Variants in SCN4A observed in about 807,000 individuals in gnomAD.
SCN4A encodes sodium channel protein type 4 subunit alpha.
A neutral mutation model predicts 162.0 loss-of-function variants in SCN4A; 83 were observed. The observed-to-expected ratio is 0.51, with a 90% confidence interval of 0.43 to 0.61. The LOEUF is 0.61. SCN4A is among the 20% of genes least tolerant of loss of function. The probability of loss-of-function intolerance (pLI) is 0.00; values close to 1 mark genes in which losing one functional copy is unlikely to be tolerated. For synonymous variants in SCN4A, 944 were observed against 985.1 expected, an observed-to-expected ratio of 0.96 and a Z score of 0.78; for missense variants, 2,196 against 2,462.5, an observed-to-expected ratio of 0.89 and a Z score of 2.29.
rs762198335 is a variant in SCN4A at position 63,966,210 on chromosome 17, G to A, written c.1134C>T (p.Thr378=). 38 of 1,603,484 alleles carry A rather than the reference G, an allele frequency of 2.4e-5. No individual in the cohort carries two copies. Among genetic ancestry groups the A allele is most frequent in the Admixed American group, 3.4e-5 (2 of 58,420 alleles). The change falls in exon 8 of 24, where the codon ACC becomes ACT. Residue 378 remains threonine (T), a synonymous_variant. Transcript: ENST00000435607. The part of the protein sequence containing the change: ...HCPEGYECIK[T]GRNPNYGYTS... ...TGTAGCCATAGTTGGGGTTCCGCCC[G>A]GTCTTGATGCACTCATAACCCTCAG...
chr17:63,970,694 C>T (rs914870766), intron 5 of SCN4A, among the ~76,000 whole-genome samples: 1 of 151,586 alleles, frequency 6.6e-6, no homozygotes, highest in Non-Finnish European at 1.5e-5. Context: ...AGTGCAGTGG[C>T]GTGATCTCGG....
chr17:63,971,868 G>A lies in SCN4A; in HGVS notation c.483-18C>T, dbSNP rs202177035. On this transcript the variant is annotated intron_variant, in intron 3 of 23. Coordinates refer to ENST00000435607, the MANE Select transcript of SCN4A (RefSeq NM_000334.4). Reference sequence around the variant, plus strand: ...AGGTGTACCTGGGGGGGAGAGGGCCGGCCGGGACAGGCATGTCACCTGGGT... The same window carrying A: ...AGGTGTACCTGGGGGGGAGAGGGCCAGCCGGGACAGGCATGTCACCTGGGT... 27 of 1,612,866 alleles carry A rather than the reference G, an allele frequency of 1.7e-5. No homozygotes were observed. In the East Asian group the frequency reaches 2.0e-4, roughly 12 times the overall value.
chr17:63,940,577 C>A lies in SCN4A; in HGVS notation c.*194G>T. The A allele has an allele frequency of 1.7e-6, 1 of 581,904 alleles. No homozygotes were observed. Among genetic ancestry groups the A allele is most frequent in the South Asian group, 3.4e-5 (1 of 29,472 alleles). 36.0% of individuals were successfully genotyped at this position (581,904 alleles called of 1,614,324 possible). Reference sequence around the variant, plus strand: ...CAGCATGGAGCCCCTGAGCGCAATTCCCATTTCCCATGGTCTGGGAACGCA... The same window carrying A: ...CAGCATGGAGCCCCTGAGCGCAATTACCATTTCCCATGGTCTGGGAACGCA... On this transcript the variant is annotated 3_prime_UTR_variant, in exon 24 of 24. Transcript: ENST00000435607.
rs371992095 is a variant in SCN4A, at chr17:63,972,095, G to A, written c.482+41C>T. On this transcript the variant is annotated intron_variant, in intron 3 of 23. Transcript: ENST00000435607. The surrounding 1 kb of genome is among the most constrained non-coding windows in gnomAD (Gnocchi z 4.3). Reference sequence around the variant, plus strand: ...GAGGTGCAAACACCTGAGATGGGCTGTGTCCCAGGGCTGGGGAGCTCAGGG... The same window carrying A: ...GAGGTGCAAACACCTGAGATGGGCTATGTCCCAGGGCTGGGGAGCTCAGGG... 4 of 1,457,978 alleles carry A rather than the reference G, an allele frequency of 2.7e-6. No individual in the cohort carries two copies. Among genetic ancestry groups the A allele is most frequent in the Non-Finnish European group, 3.8e-6 (4 of 1,045,434 alleles). The allele number at this position is 1,457,978 out of a possible 1,614,324, so 90.3% of individuals were successfully genotyped here.
intron 5 of SCN4A, among the ~76,000 whole-genome samples, chr17:63,970,100 G>C (rs1411852840): frequency 1.3e-5 from 2 of 152,112 alleles, no homozygotes; most frequent in Admixed American, 1.3e-4. Context: ...TTTCATGCTT[G>C]TTGATGCATT....
chr17:63,944,705 T>C lies in SCN4A; in HGVS notation c.3880A>G (p.Ile1294Val). 2 of 1,611,090 alleles carry C rather than the reference T, an allele frequency of 1.2e-6. No homozygotes were observed. Among genetic ancestry groups the C allele is most frequent in the Non-Finnish European group, 1.7e-6 (2 of 1,178,662 alleles). Residue 1294 changes from isoleucine (I) to valine (V), a missense_variant, in exon 21 of 24, where the codon ATC becomes GTC. Physicochemically the swap from Ile to Val is conservative, Grantham distance 29 (BLOSUM62 3). Transcript: ENST00000435607. The surrounding 1 kb of genome is among the most constrained non-coding windows in gnomAD (Gnocchi z 4.3). ...TTCTGCTGGTTGAAGTTGTCAATGA[T>C]GACGCCAATGAAGAGGTTGAGGGTG... ...FFTLNLFIGV[I>V]IDNFNQQKKK...
At position 63,959,381 on chromosome 17, in the gene SCN4A, AG is replaced by A; in HGVS notation, c.1902del (p.Tyr635ThrfsTer21). The A allele has an allele frequency of 6.2e-7, 1 of 1,613,984 alleles. No homozygotes were observed. The highest frequency in any genetic ancestry group is 8.5e-7 in the Non-Finnish European group (1 of 1,179,858). ...TTCCAACCCTGCTGGAAATACTCGT[AG>A]GGGTCCATGGCAATCAGCTTCAGAA... is the stretch of plus-strand genomic sequence containing the variant. The part of the protein sequence containing the change: ...EMVLKLIAMD[P>X]YEYFQQGWNI... On this transcript the variant is annotated frameshift_variant, in exon 12 of 24. Coordinates refer to ENST00000435607, the MANE Select transcript of SCN4A (RefSeq NM_000334.4). LOFTEE classifies it high-confidence loss of function.
Position 63,951,484 on chromosome 17 carries a change from G to A in SCN4A, c.2793C>T (p.Ser931=), listed in dbSNP as rs201036204. 156 of 1,611,776 alleles carry A rather than the reference G, an allele frequency of 9.7e-5. 3 individuals carry two copies. The East Asian group carries it at 2.8e-3, about 29-fold the overall frequency. The change falls in exon 14 of 24, where the codon TCC becomes TCT. Residue 931 remains serine, a synonymous_variant. Transcript: ENST00000435607. This position sits in a 1 kb window ranked among gnomAD's most constrained non-coding sequence, Gnocchi z 4.5. ...CCTCCTCGGTGGGCATCTCCAGGTC[G>A]GACTCCTCGGAGGCGATGGGCACCT... The part of the protein sequence containing the change: ...TIQVPIASEE[S]DLEMPTEEET...
In SCN4A at chr17:63,943,837, T is replaced by C. The variant is rs1180189206; in HGVS notation, c.3926A>G (p.Asp1309Gly). 1.2e-6 allele frequency: 2 copies of C among 1,610,798 alleles called. No individual in the cohort carries two copies. The highest frequency in any genetic ancestry group is 1.6e-4 in the Middle Eastern group (1 of 6,074). ...CTTCTGTTCCTCCGTCATAAAGATG[T>C]CTTTCCCCCCTAAGTATAGTGGGAT... ...NQQKKKLGGK[D>G]IFMTEEQKKY... Residue 1309 changes from aspartate (D) to glycine (G), a missense_variant, in exon 22 of 24, where the codon GAC becomes GGC. Asp to Gly is a moderately conservative substitution (Grantham distance 94, BLOSUM62 -1). Coordinates refer to ENST00000435607, the MANE Select transcript of SCN4A (RefSeq NM_000334.4).
chr17:63,957,137 G>A, intron 13 of SCN4A, 25 bp downstream of exon 13: 1 of 1,501,926 alleles, frequency 6.7e-7, no homozygotes, highest in Non-Finnish European at 9.1e-7. Flanking sequence ...GTGAGGGCAG[G>A]GGCCACCCAG....
intron 13 of SCN4A, among the ~76,000 whole-genome samples, chr17:63,955,691 T>C (rs1909052074): frequency 6.6e-6 from 1 of 152,042 alleles, no homozygotes; most frequent in Non-Finnish European, 1.5e-5. Flanking sequence ...GCTCTCCCCA[T>C]CCCCAATCCT....
At chr17:63,956,420 C>T (rs1909073089) in intron 13 of SCN4A, among the ~76,000 whole-genome samples, 1 of 152,008 alleles carries the variant, frequency 6.6e-6, no homozygotes, top group South Asian at 2.1e-4. Context: ...TTTCATTTTT[C>T]CATTTTTTGT....
Position 63,944,934 on chromosome 17 carries a change from C to A in SCN4A, c.3774+73G>T. The A allele has an allele frequency of 6.3e-7, 1 of 1,591,508 alleles. No individual in the cohort carries two copies. The highest frequency in any genetic ancestry group is 8.6e-7 in the Non-Finnish European group (1 of 1,163,512). ...CAAGTCTCGGGGACAGAACGTGCTG[C>A]CAAGTCTCCCTCCTGTCTTGAGTCC... On this transcript the variant is annotated intron_variant, in intron 20 of 23. Coordinates refer to ENST00000435607, the MANE Select transcript of SCN4A (RefSeq NM_000334.4). This position sits in a 1 kb window ranked among gnomAD's most constrained non-coding sequence, Gnocchi z 4.3.
chr17:63,962,876 C>T (rs1037842973), intron 10 of SCN4A, among the ~76,000 whole-genome samples: 1 of 152,170 alleles, frequency 6.6e-6, no homozygotes, highest in African/African-American at 2.4e-5. Flanking sequence ...CATATGGGCA[C>T]CTGGATACCT....
At chr17:63,959,163 C>A in intron 12 of SCN4A, 102 bp downstream of exon 12, 1 of 1,057,866 alleles carries the variant, frequency 9.5e-7, no homozygotes, top group Non-Finnish European at 1.4e-6. Context: ...CGTTTTCAGC[C>A]CTCTAGCTTC....
intron 5 of SCN4A, among the ~76,000 whole-genome samples, chr17:63,969,589 G>T (rs1256730637): frequency 6.6e-6 from 1 of 152,212 alleles, no homozygotes; most frequent in Non-Finnish European, 1.5e-5. Flanking sequence ...GCTGCAGTCA[G>T]AGGGCTTTAG....
At chr17:63,952,616 G>C (rs1431471432) in intron 13 of SCN4A, among the ~76,000 whole-genome samples, 1 of 152,148 alleles carries the variant, frequency 6.6e-6, no homozygotes, top group Non-Finnish European at 1.5e-5. Flanking sequence ...CTGGAGTGCA[G>C]AAGCTTGGCC....
rs771513945 is a variant in SCN4A, at chr17:63,941,051, T to A, written c.5231A>T (p.Gln1744Leu). The change falls in exon 24 of 24, where the codon CAG becomes CTG. Residue 1744 changes from glutamine to leucine, a missense_variant. Transcript: ENST00000435607. This position sits in a 1 kb window ranked among gnomAD's most constrained non-coding sequence, Gnocchi z 6.2. The part of the protein sequence containing the change: ...IQRAYRRHLL[Q>L]RSMKQASYMY... ...GTAGGATGCCTGCTTCATGGAGCGC[T>A]GTAGCAGGTGCCGGCGGTAGGCCCT... is the stretch of plus-strand genomic sequence containing the variant. The A allele has an allele frequency of 6.2e-7, 1 of 1,613,974 alleles. No individual in the cohort carries two copies. The highest frequency in any genetic ancestry group is 8.5e-7 in the Non-Finnish European group (1 of 1,179,854).
intron 15 of SCN4A, 41 bp downstream of exon 15, chr17:63,949,352 G>T (rs1367758593): frequency 6.5e-7 from 1 of 1,538,444 alleles, no homozygotes; most frequent in Non-Finnish European, 8.8e-7. Flanking sequence ...GGGGCTGCAG[G>T]CCTGGGGGAG....
Sources: gnomAD v4.1 joint callset for allele counts (sites outside exome capture counted in the v4.1 genomes callset) on GRCh38, gnomAD v4.1.1 for gene constraint, Gnocchi (gnomAD v3.1) non-coding constraint, MANE v1.5 for transcripts, NCBI Gene and HGNC (gene_info 2026-07-23, HGNC 2026-07-21) for gene names.